Variants in PTPN2 observed in about 807,000 individuals in gnomAD.
The protein encoded by PTPN2 is tyrosine-protein phosphatase non-receptor type 2.
A neutral mutation model predicts 57.3 loss-of-function variants in PTPN2; 19 were observed. The ratio of observed to expected loss-of-function variants is 0.33; its 90% CI spans 0.23 to 0.49. The LOEUF (loss-of-function observed/expected upper bound fraction) is 0.49. Among genes scored for constraint, PTPN2 ranks in the 20% least tolerant of loss-of-function variants. The pLI, the probability that PTPN2 is intolerant of heterozygous loss-of-function variation, is 0.99. For missense variants in PTPN2, 358 were observed against 501.1 expected (o/e 0.71, Z 2.73); for synonymous variants, 153 against 164.9 (o/e 0.93, Z 0.55).
intron 4 of PTPN2, among the ~76,000 whole-genome samples, chr18:12,826,887 G>C (rs1304950563): frequency 6.6e-6 from 1 of 151,842 alleles, no homozygotes; most frequent in Non-Finnish European, 1.5e-5. Flanking sequence ...TATTTTTTAA[G>C]TGTTCCTGTA....
intron 7 of PTPN2, among the ~76,000 whole-genome samples, chr18:12,812,160 C>A (rs1253108741): frequency 6.6e-6 from 1 of 152,074 alleles, no homozygotes; most frequent in Non-Finnish European, 1.5e-5. Context: ...ATACCAGCAA[C>A]CAGCTTAAGT....
chr18:12,835,715 T>G (rs978513549), intron 3 of PTPN2, among the ~76,000 whole-genome samples: 7 of 152,166 alleles, frequency 4.6e-5, no homozygotes, highest in African/African-American at 1.7e-4. Context: ...TTTCTCTAAG[T>G]AGACTTTCTT....
At chr18:12,810,454 A>C (rs942790544) in intron 7 of PTPN2, among the ~76,000 whole-genome samples, 1 of 152,042 alleles carries the variant, frequency 6.6e-6, no homozygotes, top group Non-Finnish European at 1.5e-5. Context: ...TTATGTTTTT[A>C]ATTTTTTTAG....
intron 2 of PTPN2, among the ~76,000 whole-genome samples, chr18:12,854,383 G>C (rs1041023600): frequency 7.1e-6 from 1 of 141,288 alleles, no homozygotes; most frequent in South Asian, 2.3e-4. Flanking sequence ...AAAGAAAAAA[G>C]AAAAAGAAAT....
intron 1 of PTPN2, among the ~76,000 whole-genome samples, chr18:12,871,915 G>A (rs1228619255): frequency 3.3e-5 from 5 of 151,982 alleles, no homozygotes; most frequent in Non-Finnish European, 5.9e-5. Flanking sequence ...GGGCGTGGTG[G>A]TGCACGCCTG....
chr18:12,820,263 TC>T (rs988848308), intron 5 of PTPN2, among the ~76,000 whole-genome samples: 2 of 150,684 alleles, frequency 1.3e-5, no homozygotes, highest in African/African-American at 2.5e-5. Flanking sequence ...TTGTTTTTTT[TC>T]CCCCCTACAG....
intron 4 of PTPN2, among the ~76,000 whole-genome samples, chr18:12,826,320 T>C (rs1227830352): frequency 1.3e-5 from 2 of 152,004 alleles, no homozygotes; most frequent in African/African-American, 4.8e-5. Context: ...GGAGAATCGC[T>C]TGAACCCAGG....
chr18:12,803,846 T>C (rs995857557), intron 7 of PTPN2, among the ~76,000 whole-genome samples: 5 of 152,032 alleles, frequency 3.3e-5, no homozygotes, highest in Admixed American at 1.3e-4. Context: ...CAAAAAAACA[T>C]TGGATTTAAA....
chr18:12,861,547 T>TTTAA (rs1598868620), intron 1 of PTPN2, among the ~76,000 whole-genome samples: 1 of 152,224 alleles, frequency 6.6e-6, no homozygotes, highest in East Asian at 1.9e-4. Context: ...TTCATGATAT[T>TTTAA]TTAATTAATT....
At chr18:12,879,135 T>G (rs558054910) in intron 1 of PTPN2, among the ~76,000 whole-genome samples, 2 of 152,304 alleles carry the variant, frequency 1.3e-5, no homozygotes, top group African/African-American at 4.8e-5. Context: ...ACTGCACCCT[T>G]TGTTTTGCTG....
At chr18:12,796,446 G>T (rs562236848) in intron 8 of PTPN2, among the ~76,000 whole-genome samples, 1 of 152,240 alleles carries the variant, frequency 6.6e-6, no homozygotes, top group East Asian at 1.9e-4. Flanking sequence ...AGAGAAATCT[G>T]AATTGAACTA....
chr18:12,849,000 A>G (rs1274435462), intron 2 of PTPN2, among the ~76,000 whole-genome samples: 1 of 152,262 alleles, frequency 6.6e-6, no homozygotes, highest in African/African-American at 2.4e-5. Flanking sequence ...GTATAAGGTC[A>G]GGGAGACAGA....
chr18:12,878,566 A>T (rs1035298482), intron 1 of PTPN2, among the ~76,000 whole-genome samples: 1 of 151,786 alleles, frequency 6.6e-6, no homozygotes, highest in Non-Finnish European at 1.5e-5. Flanking sequence ...GCTACTCGGG[A>T]GGCTGAGGCA....
At chr18:12,874,722 G>A (rs1290883690) in intron 1 of PTPN2, among the ~76,000 whole-genome samples, 1 of 151,640 alleles carries the variant, frequency 6.6e-6, no homozygotes, top group Non-Finnish European at 1.5e-5. Flanking sequence ...GCCCCACCCG[G>A]GAGGTGAGGG....
At chr18:12,871,760 A>C (rs189577552) in intron 1 of PTPN2, among the ~76,000 whole-genome samples, 185 of 152,272 alleles carry the variant, frequency 1.2e-3, no homozygotes, top group Non-Finnish European at 8.7e-4. Flanking sequence ...CTGTAGTATA[A>C]AGAATGAGGC....
chr18:12,852,191 A>AACACACAC (rs139964591), intron 2 of PTPN2, among the ~76,000 whole-genome samples: 9,746 of 140,390 alleles, frequency 0.069, 382 homozygotes, highest in African/African-American at 0.075. Context: ...ATGGGTTTTT[A>AACACACAC]ACACACACAC....
chr18:12,838,744 GA>G (rs1457861133), intron 2 of PTPN2, among the ~76,000 whole-genome samples: 1 of 147,302 alleles, frequency 6.8e-6, no homozygotes, highest in African/African-American at 2.4e-5. Flanking sequence ...TAATCCTTGG[GA>G]AAACTCTATA....
At chr18:12,878,266 G>A (rs1213461085) in intron 1 of PTPN2, among the ~76,000 whole-genome samples, 3 of 151,636 alleles carry the variant, frequency 2.0e-5, no homozygotes, top group African/African-American at 4.9e-5. Context: ...GCAGTGAGCT[G>A]AGATCACGCC....
intron 5 of PTPN2, among the ~76,000 whole-genome samples, chr18:12,822,543 T>C (rs896355271): frequency 6.6e-6 from 1 of 152,232 alleles, no homozygotes; most frequent in Non-Finnish European, 1.5e-5. Flanking sequence ...AAAGGGCTCC[T>C]GGTATGTCAT....
Sources: gnomAD v4.1 joint callset for allele counts (sites outside exome capture counted in the v4.1 genomes callset) on GRCh38, gnomAD v4.1.1 for gene constraint, MANE v1.5 for transcripts, NCBI Gene and HGNC (gene_info 2026-07-23, HGNC 2026-07-21) for gene names.